Variants in LAMC1 observed in about 807,000 individuals in gnomAD.
LAMC1 encodes laminin subunit gamma 1.
Under a neutral mutation model 173.6 loss-of-function variants are expected in LAMC1, and 38 were observed. That is an observed-to-expected ratio of 0.22 (90% confidence interval 0.17 to 0.29). The LOEUF is 0.29. Among genes scored for constraint, LAMC1 ranks in the 10% least tolerant of loss-of-function variants. LAMC1 has a pLI of 1.00. For synonymous variants in LAMC1, 746 were observed against 749.1 expected (o/e 1.00, Z 0.07); for missense variants, 1,824 against 2,051.8 (o/e 0.89, Z 2.14).
intron 3 of LAMC1, 84 bp from the exon 4 acceptor site, chr1:183,110,404 C>T (rs375923127): frequency 1.9e-6 from 2 of 1,058,894 alleles, no homozygotes; most frequent in East Asian, 2.5e-5. Flanking sequence ...GTAAAACTTA[C>T]TTCTTTGTGT....
chr1:183,030,979 G>A (rs1053603736), intron 1 of LAMC1, among the ~76,000 whole-genome samples: 2 of 152,088 alleles, frequency 1.3e-5, no homozygotes, highest in African/African-American at 2.4e-5. Context: ...CCTGGACGAC[G>A]TAGACCCTAT....
In LAMC1 at chr1:183,138,186, CA is replaced by C. The variant is rs896535370; in HGVS notation, c.4473+360del. On this transcript the variant is annotated intron_variant, in intron 26 of 27. Coordinates refer to ENST00000258341, the MANE Select transcript of LAMC1 (RefSeq NM_002293.4). ...AATTTTCTTCTTATTCTTGTTCTCC[CA>C]GCACCTTTAGAGACAAAGACAAGTT... The C allele has an allele frequency of 2.4e-5, 23 of 963,844 alleles. No individual in the cohort carries two copies. In the African/African-American group the frequency reaches 3.9e-4, roughly 16 times the overall value. The allele number at this position is 963,844 out of a possible 1,614,324, so 59.7% of individuals were successfully genotyped here.
intron 25 of LAMC1, among the ~76,000 whole-genome samples, chr1:183,137,124 T>C (rs1360510803): frequency 6.6e-6 from 1 of 152,208 alleles, no homozygotes; most frequent in Non-Finnish European, 1.5e-5. Flanking sequence ...AAAAGAGAGA[T>C]TGGAGCAATT....
chr1:183,133,257 C>T (rs1024619611), intron 21 of LAMC1, 149 bp from the exon 22 acceptor site: 4 of 705,302 alleles, frequency 5.7e-6, no homozygotes, highest in Non-Finnish European at 9.6e-6. Context: ...TGTAAATATG[C>T]AAAATGTTGG....
chr1:183,083,938 G>T (rs1655355560), intron 1 of LAMC1, among the ~76,000 whole-genome samples: 1 of 152,148 alleles, frequency 6.6e-6, no homozygotes, highest in Non-Finnish European at 1.5e-5. Context: ...GAAGTCACTG[G>T]AAGTTTTATC....
At chr1:183,073,963 T>TA (rs930477575) in intron 1 of LAMC1, among the ~76,000 whole-genome samples, 4 of 152,160 alleles carry the variant, frequency 2.6e-5, no homozygotes, top group African/African-American at 9.7e-5. Flanking sequence ...ATTCTGGAAC[T>TA]AAAAAAATCC....
chr1:183,030,730 G>A (rs760851179), intron 1 of LAMC1, among the ~76,000 whole-genome samples: 1 of 152,080 alleles, frequency 6.6e-6, no homozygotes, highest in Non-Finnish European at 1.5e-5. Flanking sequence ...GTGACTTGAA[G>A]GCAGCCTAGA....
At chr1:183,086,509 T>C (rs1655432104) in intron 1 of LAMC1, among the ~76,000 whole-genome samples, 2 of 132,268 alleles carry the variant, frequency 1.5e-5, no homozygotes, top group Non-Finnish European at 3.5e-5. Flanking sequence ...TGGATAGAGA[T>C]GCTGGATTGT....
In LAMC1 at chr1:183,116,865, G is replaced by C; in HGVS notation, c.1526G>C (p.Gly509Ala). The change falls in exon 8 of 28, where the codon GGC becomes GCC. Residue 509 changes from glycine (G) to alanine (A), a missense_variant. Gly to Ala is a moderately conservative substitution (Grantham distance 60). Transcript: ENST00000258341. ...GHSSVCTNAV[G>A]YSVYSISSTF... Reference sequence around the variant, plus strand: ...TCTTCTGTCTGTACAAACGCTGTTGGCTACAGTGTTTATTCTATCTCCTCT... The same window carrying C: ...TCTTCTGTCTGTACAAACGCTGTTGCCTACAGTGTTTATTCTATCTCCTCT... The C allele has an allele frequency of 1.9e-6, 3 of 1,613,932 alleles. No individual in the cohort carries two copies. The highest frequency in any genetic ancestry group is 1.7e-6 in the Non-Finnish European group (2 of 1,179,856).
rs549820655 is a variant in LAMC1 at position 183,079,612 on chromosome 1, C to T, written c.419-23716C>T. On this transcript the variant is annotated intron_variant, in intron 1 of 27. Transcript: ENST00000258341. ...GTGCCCAGCCCTCTAATCTGGTCTT[C>T]TTTGAGGACTTGTCCTGTGCAGATA... is the stretch of plus-strand genomic sequence containing the variant. Among the ~76,000 whole-genome samples the T allele has an allele frequency of 1.6e-4, 25 of 152,182 alleles. No individual in the cohort carries two copies. In the East Asian group the frequency reaches 4.5e-3, roughly 27 times the overall value.
At chr1:183,032,354 C>T (rs1210630519) in intron 1 of LAMC1, among the ~76,000 whole-genome samples, 7 of 152,152 alleles carry the variant, frequency 4.6e-5, no homozygotes, top group Non-Finnish European at 2.9e-5. Context: ...GTTACATTTC[C>T]TCAGTTCCCT....
At chr1:183,080,277 T>C (rs948264924) in intron 1 of LAMC1, among the ~76,000 whole-genome samples, 2 of 152,244 alleles carry the variant, frequency 1.3e-5, no homozygotes, top group Non-Finnish European at 2.9e-5. Flanking sequence ...TTAAAAATTG[T>C]ACTAGCTATT....
At chr1:183,032,178 G>A (rs913313202) in intron 1 of LAMC1, among the ~76,000 whole-genome samples, 14 of 152,148 alleles carry the variant, frequency 9.2e-5, no homozygotes, top group Admixed American at 3.9e-4. Context: ...CCCGAAATAC[G>A]TGGGCCCAGT....
At chr1:183,050,382 C>T (rs1245351363) in intron 1 of LAMC1, among the ~76,000 whole-genome samples, 4 of 148,668 alleles carry the variant, frequency 2.7e-5, no homozygotes, top group South Asian at 2.1e-4. Flanking sequence ...CCCAGGTTCA[C>T]GCCATTCTCC....
At chr1:183,089,617 G>A (rs1384869416) in intron 1 of LAMC1, among the ~76,000 whole-genome samples, 1 of 152,132 alleles carries the variant, frequency 6.6e-6, no homozygotes, top group African/African-American at 2.4e-5. Context: ...GTGCTTTACG[G>A]GGAAGGTGAT....
In LAMC1 at chr1:183,066,754, A is replaced by G. The variant is rs535015919; in HGVS notation, c.419-36574A>G. Among the ~76,000 whole-genome samples, 88 of 152,328 alleles carry G rather than the reference A, an allele frequency of 5.8e-4. 1 individual carries two copies. The highest frequency in any genetic ancestry group is 1.9e-3 in the African/African-American group (77 of 41,574). ...CTCACTCATAAGTGGGAGTTGAACA[A>G]TGAGAACACATGGACACAGGGAGGG... On this transcript the variant is annotated intron_variant, in intron 1 of 27. Transcript: ENST00000258341.
Position 183,127,402 on chromosome 1 carries a change from A to G in LAMC1, c.3121A>G (p.Lys1041Glu), listed in dbSNP as rs768442690. 23 of 1,613,824 alleles carry G rather than the reference A, an allele frequency of 1.4e-5. No individual in the cohort carries two copies. The highest frequency in any genetic ancestry group is 3.4e-6 in the Non-Finnish European group (4 of 1,179,890). Reference sequence around the variant, plus strand: ...AGCTTGTTACCGGCTGGTAAAGGATAAGGTAAGCTGTCAATAGTGCATTCA... The same window carrying G: ...AGCTTGTTACCGGCTGGTAAAGGATGAGGTAAGCTGTCAATAGTGCATTCA... ...CPACYRLVKDKVADHRVKLQE... is the reference protein window; with the variant it reads ...CPACYRLVKDEVADHRVKLQE... Residue 1041 changes from lysine (K) to glutamate (E), a missense_variant and splice_region_variant, in exon 17 of 28, where the codon AAG becomes GAG. Coordinates refer to ENST00000258341, the MANE Select transcript of LAMC1 (RefSeq NM_002293.4).
At chr1:183,093,234 C>G (rs866671955) in intron 1 of LAMC1, among the ~76,000 whole-genome samples, 1 of 152,282 alleles carries the variant, frequency 6.6e-6, no homozygotes, top group South Asian at 2.1e-4. Flanking sequence ...TTCTCTATGG[C>G]TTTCATTCCT....
In LAMC1 at chr1:183,082,544, G is replaced by A. The variant is rs139622744; in HGVS notation, c.419-20784G>A. ...TTACTGGTGATAGGTGTGTGTGTAC[G>A]CAGGAGTTGAAGGGCAAGGGCTTCC... On this transcript the variant is annotated intron_variant, in intron 1 of 27. Coordinates refer to ENST00000258341, the MANE Select transcript of LAMC1 (RefSeq NM_002293.4). Among the ~76,000 whole-genome samples the A allele has an allele frequency of 1.6e-4, 25 of 152,320 alleles. No homozygotes were observed. In the South Asian group the frequency reaches 3.9e-3, roughly 24 times the overall value.
Sources: allele counts gnomAD v4.1 joint callset (sites outside exome capture counted in the v4.1 genomes callset), GRCh38; gene constraint gnomAD v4.1.1; transcripts MANE v1.5; gene names NCBI Gene and HGNC (gene_info 2026-07-23, HGNC 2026-07-21).